The following SH3RF2 variants were observed in gnomAD, a reference collection of about 807,000 sequenced individuals.
SH3RF2 encodes SH3 domain containing ring finger 2.
A neutral mutation model predicts 59.0 loss-of-function variants in SH3RF2; 43 were observed. The ratio of observed to expected loss-of-function variants is 0.73; its 90% CI spans 0.57 to 0.94. SH3RF2 has a LOEUF of 0.94. Ranked by LOEUF, SH3RF2 falls within the 40% of genes least tolerant of loss-of-function variation. The pLI, the probability that SH3RF2 is intolerant of heterozygous loss-of-function variation, is 0.00. For missense variants in SH3RF2, 930 were observed against 940.1 expected (o/e 0.99, Z 0.14); for synonymous variants, 391 against 391.5 (o/e 1.00, Z 0.01).
At chr5:146,079,434 T>C (rs1277791877) in exon 10 of SH3RF2, 2 of 152,228 alleles carry the variant, frequency 1.3e-5, no homozygotes, top group African/African-American at 4.8e-5. Flanking sequence ...TCTTAAGACA[T>C]CAATAAGAAT....
chr5:146,023,851 C>T (rs1267032948), intron 5 of SH3RF2, among the ~76,000 whole-genome samples: 1 of 152,186 alleles, frequency 6.6e-6, no homozygotes, highest in Non-Finnish European at 1.5e-5. Context: ...AGTGGAAGCA[C>T]ACAGTATTCG....
chr5:146,000,900 G>C (rs1272492463), intron 3 of SH3RF2, among the ~76,000 whole-genome samples: 1 of 152,186 alleles, frequency 6.6e-6, no homozygotes, highest in Non-Finnish European at 1.5e-5. Context: ...TTGATAACAT[G>C]CTATGTAAAA....
intron 2 of SH3RF2, among the ~76,000 whole-genome samples, chr5:145,997,004 G>A (rs1760186488): frequency 1.3e-5 from 2 of 152,162 alleles, no homozygotes; most frequent in South Asian, 2.1e-4. Context: ...TTATGTAGGT[G>A]TCGTCTGAAA....
chr5:146,067,473 G>T (rs1277034739), downstream of SH3RF2, among the ~76,000 whole-genome samples: 2 of 152,270 alleles, frequency 1.3e-5, no homozygotes, highest in Admixed American at 1.3e-4. Flanking sequence ...AGTCGCAGCC[G>T]AATACTTAGG....
At chr5:146,010,877 C>A (rs1225199888) in intron 4 of SH3RF2, among the ~76,000 whole-genome samples, 7 of 152,176 alleles carry the variant, frequency 4.6e-5, no homozygotes, top group Non-Finnish European at 1.0e-4. Context: ...GAAGCTCTTT[C>A]ATTTAATTAG....
chr5:146,017,441 G>A lies in SH3RF2; in HGVS notation c.1059+3380G>A, dbSNP rs535944612. ...TTGGTTCAGGATGTGGATCCTGCTC[G>A]CCCTCTGCCTCCCACACTCACAGAG... is the stretch of plus-strand genomic sequence containing the variant. On this transcript the variant is annotated intron_variant, in intron 5 of 9. Transcript: ENST00000359120. Among the ~76,000 whole-genome samples the A allele has an allele frequency of 2.6e-4, 39 of 152,126 alleles. No individual in the cohort carries two copies. In the South Asian group the frequency reaches 3.1e-3, roughly 12 times the overall value.
rs869156939 is a variant in SH3RF2 at position 145,961,174 on chromosome 5, C to CTTTT, written c.378+22889_378+22892dup. 9.3e-3 allele frequency among the ~76,000 whole-genome samples: 845 copies of CTTTT among 90,908 alleles called. 61 individuals are homozygous for CTTTT. Among genetic ancestry groups the CTTTT allele is most frequent in the African/African-American group, 0.036 (778 of 21,682 alleles). 59.6% of individuals were successfully genotyped at this position (90,908 alleles called of 152,430 possible). ...GGAGCTGCTGCATTCCTGCATCCTC[C>CTTTT]TTTTTTTTTTTTTTTTTTTTTTTTG... is the stretch of plus-strand genomic sequence containing the variant. On this transcript the variant is annotated intron_variant, in intron 2 of 9. Transcript: ENST00000359120.
At chr5:145,942,103 C>A (rs896914862) in intron 2 of SH3RF2, among the ~76,000 whole-genome samples, 1 of 152,186 alleles carries the variant, frequency 6.6e-6, no homozygotes, top group Non-Finnish European at 1.5e-5. Flanking sequence ...CTTCCAGAAC[C>A]CTTAAGGCAC....
rs979523872 is a variant in SH3RF2, at chr5:145,940,071, G to T, written c.378+1765G>T. On this transcript the variant is annotated intron_variant, in intron 2 of 9. Coordinates refer to ENST00000359120, the MANE Select transcript of SH3RF2 (RefSeq NM_152550.4). Reference sequence around the variant, plus strand: ...CAGGGAATTGAGGTGAGAGCTGGTTGTACATAAGAGACAGCCATTAAGATA... The same window carrying T: ...CAGGGAATTGAGGTGAGAGCTGGTTTTACATAAGAGACAGCCATTAAGATA... Among the ~76,000 whole-genome samples the T allele has an allele frequency of 3.9e-5, 6 of 152,178 alleles. No homozygotes were observed. The South Asian group carries it at 1.0e-3, about 26-fold the overall frequency.
intron 1 of SH3RF2, chr5:145,937,132 C>T (rs754658452): frequency 5.4e-5 from 8 of 147,676 alleles, no homozygotes; most frequent in Non-Finnish European, 8.9e-5. Context: ...GTGGGAGGAA[C>T]ATTGTCTCTG....
rs186360284 is a variant in SH3RF2 at position 145,956,816 on chromosome 5, G to T, written c.378+18510G>T. ...AAGAAATAAGTTACCTAGGTAATTT[G>T]GGAGTTAAAGACAAGGAAATGTGAC... On this transcript the variant is annotated intron_variant, in intron 2 of 9. Transcript: ENST00000359120. Among the ~76,000 whole-genome samples, 507 of 152,260 alleles carry T rather than the reference G, an allele frequency of 3.3e-3. 8 individuals carry two copies. The highest frequency in any genetic ancestry group is 0.011 in the African/African-American group (476 of 41,562).
chr5:146,068,748 A>C (rs1173413973), intron 9 of SH3RF2, among the ~76,000 whole-genome samples: 3 of 152,158 alleles, frequency 2.0e-5, no homozygotes. Flanking sequence ...ACTGATCTAC[A>C]CTTTGACAAA....
intron 5 of SH3RF2, among the ~76,000 whole-genome samples, chr5:146,036,556 C>T (rs1761943994): frequency 6.6e-6 from 1 of 151,876 alleles, no homozygotes; most frequent in African/African-American, 2.4e-5. Flanking sequence ...CTAGCTGGGC[C>T]TGGTGACACA....
intron 4 of SH3RF2, among the ~76,000 whole-genome samples, chr5:146,012,212 T>C (rs1284871301): frequency 6.6e-6 from 1 of 151,778 alleles, no homozygotes; most frequent in Non-Finnish European, 1.5e-5. Flanking sequence ...GAACCAGCCT[T>C]GCACTTGATG....
intron 3 of SH3RF2, among the ~76,000 whole-genome samples, chr5:146,000,905 G>C (rs986616915): frequency 6.6e-6 from 1 of 152,230 alleles, no homozygotes; most frequent in African/African-American, 2.4e-5. Context: ...AACATGCTAT[G>C]TAAAACTACA....
At position 145,938,199 on chromosome 5, in the gene SH3RF2, C is replaced by T; in HGVS notation, c.271C>T (p.Pro91Ser). ...CGGGAGAGGGGGCTCCTTCCGCAGG[C>T]CTGGCACGATGACCTTGCAGGATGG... ...SSGRGGSFRR[P>S]GTMTLQDGRK... The change falls in exon 2 of 10, where the codon CCT (proline) becomes TCT (serine). Residue 91 changes from proline (P) to serine (S), a missense_variant. Physicochemically the swap from Pro to Ser is moderately conservative, Grantham distance 74. Coordinates refer to ENST00000359120, the MANE Select transcript of SH3RF2 (RefSeq NM_152550.4). The T allele has an allele frequency of 6.2e-7, 1 of 1,613,732 alleles. No homozygotes were observed. The highest frequency in any genetic ancestry group is 8.5e-7 in the Non-Finnish European group (1 of 1,180,016).
intron 5 of SH3RF2, 107 bp from the exon 6 acceptor site, chr5:146,047,665 G>A: frequency 1.0e-6 from 1 of 996,512 alleles, no homozygotes; most frequent in Non-Finnish European, 1.5e-6. Flanking sequence ...AGGCATGGCT[G>A]TTGGTTTTCA....
intron 2 of SH3RF2, among the ~76,000 whole-genome samples, chr5:145,994,883 G>T (rs1324324711): frequency 1.3e-5 from 2 of 152,190 alleles, no homozygotes; most frequent in African/African-American, 4.8e-5. Flanking sequence ...CAAGAAAGAA[G>T]CACTCAGTAA....
chr5:146,081,086 C>T (rs1035872161), exon 10 of SH3RF2: 2 of 152,218 alleles, frequency 1.3e-5, no homozygotes, highest in African/African-American at 4.8e-5. Flanking sequence ...ACGTGAGCCA[C>T]CATGCCCGGC....
Sources: allele counts gnomAD v4.1 joint callset (sites outside exome capture counted in the v4.1 genomes callset), GRCh38; gene constraint gnomAD v4.1.1; transcripts MANE v1.5; gene names NCBI Gene and HGNC (gene_info 2026-07-23, HGNC 2026-07-21).